RNF144A: variants seen among roughly 807,000 people sequenced by gnomAD.
RNF144A encodes E3 ubiquitin-protein ligase RNF144A.
In RNF144A, 11 loss-of-function variants were observed where a neutral mutation model predicts 38.7. The ratio of observed to expected loss-of-function variants is 0.28; its 90% CI spans 0.18 to 0.47. The LOEUF is 0.47. Among genes scored for constraint, RNF144A ranks in the 20% least tolerant of loss-of-function variants. The probability of loss-of-function intolerance (pLI) is 0.99; values close to 1 mark genes in which losing one functional copy is unlikely to be tolerated. For missense variants in RNF144A, 316 were observed against 377.2 expected, an observed-to-expected ratio of 0.84 and a Z score of 1.34; for synonymous variants, 149 against 143.9, an observed-to-expected ratio of 1.04 and a Z score of -0.25.
At chr2:7,006,466 C>T (rs952058784) in intron 3 of RNF144A, among the ~76,000 whole-genome samples, 2 of 151,958 alleles carry the variant, frequency 1.3e-5, no homozygotes, top group African/African-American at 2.4e-5. Flanking sequence ...GAAGGGACAC[C>T]TGCCTCCTCA....
In RNF144A at chr2:6,917,661, G is replaced by A. The variant is rs182920261; in HGVS notation, c.-212+39G>A. On this transcript the variant is annotated intron_variant, in intron 1 of 8. Coordinates refer to ENST00000320892, the MANE Select transcript of RNF144A (RefSeq NM_014746.6). The surrounding 1 kb of genome is among the most constrained non-coding windows in gnomAD (Gnocchi z 4.8). ...CGTCCCCTTTGTGTCCGCATCGCCC[G>A]GGCCGGCCGCGGAGCGGGGAGGGCG... The A allele has an allele frequency of 6.8e-6, 1 of 147,740 alleles. No homozygotes were observed. The highest frequency in any genetic ancestry group is 1.5e-5 in the Non-Finnish European group (1 of 66,346). The allele number at this position is 147,740 out of a possible 1,614,324, so 9.2% of individuals were successfully genotyped here.
intron 6 of RNF144A, among the ~76,000 whole-genome samples, chr2:7,052,739 G>C (rs907521685): frequency 1.3e-5 from 2 of 152,056 alleles, no homozygotes; most frequent in Admixed American, 1.3e-4. Context: ...AACATGGGGT[G>C]GGGGGGAATC....
chr2:7,073,850 T>C, the RNF144A span, among the ~76,000 whole-genome samples: 1 of 152,254 alleles, frequency 6.6e-6, no homozygotes, highest in Non-Finnish European at 1.5e-5. Flanking sequence ...AGGCCCTCCA[T>C]CTGGTCTGTG....
At chr2:6,990,819 T>C (rs1039886276) in intron 2 of RNF144A, among the ~76,000 whole-genome samples, 1 of 152,172 alleles carries the variant, frequency 6.6e-6, no homozygotes, top group Non-Finnish European at 1.5e-5. Flanking sequence ...CTCCCCTAAA[T>C]ATTCTCTGTG....
Position 7,041,200 on chromosome 2 carries a change from C to T in RNF144A, c.*1440C>T. On this transcript the variant is annotated 3_prime_UTR_variant, in exon 9 of 9. Coordinates refer to ENST00000320892, the MANE Select transcript of RNF144A (RefSeq NM_014746.6). ...ATTCTATAAAGAAGTAAAACAAAAT[C>T]CTTTTATCTCAGTTATTTGCCCATC... 1.0e-6 allele frequency: 1 copy of T among 984,332 alleles called. No individual in the cohort carries two copies. The highest frequency in any genetic ancestry group is 1.2e-6 in the Non-Finnish European group (1 of 828,920). The allele number at this position is 984,332 out of a possible 1,614,324, so 61.0% of individuals were successfully genotyped here.
intron 2 of RNF144A, among the ~76,000 whole-genome samples, chr2:6,964,422 G>A (rs1229994680): frequency 6.6e-6 from 1 of 152,202 alleles, no homozygotes; most frequent in Admixed American, 6.5e-5. Context: ...CAATTCCTCA[G>A]GGATCTAGAA....
intron 1 of RNF144A, among the ~76,000 whole-genome samples, chr2:6,925,888 AC>A (rs1664829767): frequency 6.6e-6 from 1 of 152,190 alleles, no homozygotes; most frequent in Non-Finnish European, 1.5e-5. Flanking sequence ...ACAAACACAC[AC>A]ATACACATGC....
chr2:7,063,424 G>A (rs577240971), intron 6 of RNF144A, among the ~76,000 whole-genome samples: 13 of 152,142 alleles, frequency 8.5e-5, no homozygotes, highest in African/African-American at 2.2e-4. Flanking sequence ...CAGACAGGTC[G>A]AGCTTGATTT....
chr2:7,017,843 AT>A (rs1310224180), intron 5 of RNF144A, among the ~76,000 whole-genome samples: 2 of 152,186 alleles, frequency 1.3e-5, no homozygotes, highest in African/African-American at 4.8e-5. Context: ...CAGGAAGGAC[AT>A]TTGCAGTCTG....
chr2:6,936,696 T>G (rs1453874772), intron 1 of RNF144A, among the ~76,000 whole-genome samples: 6 of 152,198 alleles, frequency 3.9e-5, no homozygotes, highest in Admixed American at 3.9e-4. Flanking sequence ...CATTGAGTCT[T>G]TTGTTCATAA....
chr2:7,056,864 G>C (rs1673760798), intron 6 of RNF144A, among the ~76,000 whole-genome samples: 1 of 152,152 alleles, frequency 6.6e-6, no homozygotes, highest in Non-Finnish European at 1.5e-5. Flanking sequence ...TTGCAGTGAG[G>C]ACAATATTAA....
At chr2:6,994,288 C>G (rs1462872391) in intron 2 of RNF144A, among the ~76,000 whole-genome samples, 1 of 152,150 alleles carries the variant, frequency 6.6e-6, no homozygotes, top group Non-Finnish European at 1.5e-5. Flanking sequence ...GCAGCCTGCC[C>G]CAAGCCTCAG....
Position 7,003,563 on chromosome 2 carries a change from G to C in RNF144A, c.135+6502G>C, listed in dbSNP as rs1176470185. 2.6e-5 allele frequency among the ~76,000 whole-genome samples: 4 copies of C among 152,238 alleles called. No homozygotes were observed. In the East Asian group the frequency reaches 5.8e-4, roughly 22 times the overall value. ...ACAGGTTTGTAGCCCAGAGCAATAG[G>C]CTGTGCCAGCTAGCCTAGGTGTGTA... On this transcript the variant is annotated intron_variant, in intron 3 of 8. Coordinates refer to ENST00000320892, the MANE Select transcript of RNF144A (RefSeq NM_014746.6).
At chr2:6,960,215 C>T (rs572431819) in intron 2 of RNF144A, among the ~76,000 whole-genome samples, 3 of 152,316 alleles carry the variant, frequency 2.0e-5, no homozygotes, top group African/African-American at 4.8e-5. Flanking sequence ...TATTTTCCCT[C>T]GGAGTAGACT....
At chr2:7,076,166 A>AG in the RNF144A span, among the ~76,000 whole-genome samples, 1 of 152,138 alleles carries the variant, frequency 6.6e-6, no homozygotes, top group African/African-American at 2.4e-5. Flanking sequence ...GGGCTTGCTG[A>AG]GGGGAAGATG....
downstream of RNF144A, among the ~76,000 whole-genome samples, chr2:7,045,364 G>T (rs1250136657): frequency 2.0e-5 from 3 of 152,192 alleles, no homozygotes; most frequent in Non-Finnish European, 4.4e-5. Context: ...AGGTCTGGAG[G>T]TTGGAAACTG....
At chr2:6,975,233 G>A (rs1037607460) in intron 2 of RNF144A, among the ~76,000 whole-genome samples, 3 of 152,110 alleles carry the variant, frequency 2.0e-5, no homozygotes, top group African/African-American at 7.2e-5. Flanking sequence ...CTTGTGCAGG[G>A]AAATTCCCGT....
chr2:7,051,659 C>A (rs1486694655), intron 6 of RNF144A, among the ~76,000 whole-genome samples: 1 of 152,138 alleles, frequency 6.6e-6, no homozygotes, highest in African/African-American at 2.4e-5. Context: ...GAGGCCAAGG[C>A]GGGTGGATGA....
intron 1 of RNF144A, chr2:6,932,990 T>G (rs1481936088): frequency 6.6e-6 from 1 of 152,272 alleles, no homozygotes; most frequent in Non-Finnish European, 1.5e-5. Context: ...AGAGGTGCTT[T>G]ATTGAAGCGG....
Sources: gnomAD v4.1 joint callset for allele counts (sites outside exome capture counted in the v4.1 genomes callset) on GRCh38, gnomAD v4.1.1 for gene constraint, Gnocchi (gnomAD v3.1) non-coding constraint, MANE v1.5 for transcripts, NCBI Gene and HGNC (gene_info 2026-07-23, HGNC 2026-07-21) for gene names.